The following SLC14A2 variants were observed in gnomAD, a reference collection of about 807,000 sequenced individuals.
SLC14A2 encodes the protein urea transporter 2.
In SLC14A2, 91 loss-of-function variants were observed where a neutral mutation model predicts 104.6. That is an observed-to-expected ratio of 0.87 (90% CI 0.73 to 1.04). SLC14A2 has a LOEUF of 1.04. SLC14A2 is among the 50% of genes least tolerant of loss of function. The pLI is 0.00. For missense variants in SLC14A2, 1,189 were observed against 1,156.0 expected, an observed-to-expected ratio of 1.03 and a Z score of -0.41; for synonymous variants, 476 against 466.4, an observed-to-expected ratio of 1.02 and a Z score of -0.27.
chr18:45,391,553 G>C (rs1179967611), intron 1 of SLC14A2, among the ~76,000 whole-genome samples: 1 of 152,262 alleles, frequency 6.6e-6, no homozygotes, highest in East Asian at 1.9e-4. Flanking sequence ...CAGTGTAAAA[G>C]TGTTCCTATT....
At chr18:45,213,427 G>T (rs2083979080) in intron 1 of SLC14A2, among the ~76,000 whole-genome samples, 1 of 152,172 alleles carries the variant, frequency 6.6e-6, no homozygotes. Context: ...TATGAAGGAA[G>T]CCAAGCTGGT....
chr18:45,661,859 GTA>G (rs1567998944), intron 10 of SLC14A2, among the ~76,000 whole-genome samples: 1 of 152,180 alleles, frequency 6.6e-6, no homozygotes, highest in Non-Finnish European at 1.5e-5. Context: ...GACACTCCAG[GTA>G]TCTCTGAAAT....
chr18:45,666,251 C>T (rs759994730), intron 12 of SLC14A2, 32 bp downstream of exon 12: 16 of 1,452,904 alleles, frequency 1.1e-5, no homozygotes, highest in Non-Finnish European at 1.5e-5. Context: ...TCAGGGACAG[C>T]GCCCTACAGT....
chr18:45,626,866 A>C, intron 3 of SLC14A2, 92 bp from the exon 4 acceptor site: 1 of 948,402 alleles, frequency 1.1e-6, no homozygotes, highest in Non-Finnish European at 1.6e-6. Context: ...TGGCTTGCAC[A>C]TTCCTGTTTG....
intron 1 of SLC14A2, among the ~76,000 whole-genome samples, chr18:45,465,592 G>A (rs1057245783): frequency 6.6e-6 from 1 of 151,180 alleles, no homozygotes; most frequent in Non-Finnish European, 1.5e-5. Context: ...ATCCATGCAT[G>A]CATCCATCCA....
intron 1 of SLC14A2, among the ~76,000 whole-genome samples, chr18:45,324,969 C>T (rs1309120886): frequency 6.6e-6 from 1 of 152,156 alleles, no homozygotes; most frequent in African/African-American, 2.4e-5. Flanking sequence ...CTCCCTGATG[C>T]ATTACCAGAC....
At chr18:45,381,055 C>T (rs2085829416) in intron 1 of SLC14A2, among the ~76,000 whole-genome samples, 1 of 152,190 alleles carries the variant, frequency 6.6e-6, no homozygotes, top group African/African-American at 2.4e-5. Context: ...GGCTGTCACC[C>T]CTTAGAACAG....
intron 1 of SLC14A2, among the ~76,000 whole-genome samples, chr18:45,320,543 G>A (rs564991370): frequency 2.0e-5 from 3 of 152,198 alleles, no homozygotes; most frequent in South Asian, 2.1e-4. Flanking sequence ...CGCAGACTGG[G>A]GCTGACACCT....
chr18:45,481,345 A>C (rs1257288935), intron 1 of SLC14A2, among the ~76,000 whole-genome samples: 2 of 152,140 alleles, frequency 1.3e-5, no homozygotes, highest in Non-Finnish European at 2.9e-5. Flanking sequence ...TGCCATCTAC[A>C]CTGGGCATGG....
At position 45,391,035 on chromosome 18, in the gene SLC14A2, C is replaced by T. The variant is rs563358583; in HGVS notation, c.-124-92198C>T. Among the ~76,000 whole-genome samples, 355 of 152,112 alleles carry T rather than the reference C, an allele frequency of 2.3e-3. 5 individuals carry two copies. The highest frequency in any genetic ancestry group is 8.1e-3 in the African/African-American group (335 of 41,482). On this transcript the variant is annotated intron_variant, in intron 1 of 20. Coordinates refer to the SLC14A2 transcript ENST00000586448. ...TGTTGGTGTGCTGCATCCATTAACT[C>T]GTCATTTAACATTAGGTATATCTCC...
Position 45,464,073 on chromosome 18 carries a change from G to T in SLC14A2, c.-124-19160G>T, listed in dbSNP as rs1365059326. Among the ~76,000 whole-genome samples, 2 of 152,226 alleles carry T rather than the reference G, an allele frequency of 1.3e-5. 1 individual carries two copies. Among genetic ancestry groups the T allele is most frequent in the East Asian group, 3.8e-4 (2 of 5,202 alleles). Reference sequence around the variant, plus strand: ...GCCTAACAACCAAATGGTCTGGGCAGAATCATTTGTCTTCCTGGAAGCTCA... The same window carrying T: ...GCCTAACAACCAAATGGTCTGGGCATAATCATTTGTCTTCCTGGAAGCTCA... On this transcript the variant is annotated intron_variant, in intron 1 of 20. Transcript: ENST00000586448.
chr18:45,447,790 TAATG>T (rs1287043992), intron 1 of SLC14A2, among the ~76,000 whole-genome samples: 1 of 152,234 alleles, frequency 6.6e-6, no homozygotes, highest in Non-Finnish European at 1.5e-5. Context: ...TTATACCAGA[TAATG>T]AATAATCACT....
intron 2 of SLC14A2, among the ~76,000 whole-genome samples, chr18:45,517,497 G>A (rs2144801369): frequency 6.6e-6 from 1 of 152,288 alleles, no homozygotes; most frequent in African/African-American, 2.4e-5. Context: ...GTGGCCAAAA[G>A]GCTTCTCAGC....
chr18:45,398,088 G>A (rs1364278900), intron 1 of SLC14A2, among the ~76,000 whole-genome samples: 2 of 152,066 alleles, frequency 1.3e-5, no homozygotes, highest in Non-Finnish European at 2.9e-5. Context: ...AAAAAAAGTC[G>A]ATATTTATGT....
chr18:45,588,255 G>A (rs2044596504), intron 2 of SLC14A2, among the ~76,000 whole-genome samples: 1 of 152,158 alleles, frequency 6.6e-6, no homozygotes, highest in Admixed American at 6.5e-5. Context: ...GATGTCCTGG[G>A]CCGAGGCTGG....
the SLC14A2 span, among the ~76,000 whole-genome samples, chr18:45,203,514 C>T: frequency 6.6e-6 from 1 of 152,060 alleles, no homozygotes. Flanking sequence ...TCCCACCTAC[C>T]GAAATAAAAA....
chr18:45,279,629 CAG>C (rs2084740930), intron 1 of SLC14A2, among the ~76,000 whole-genome samples: 1 of 152,010 alleles, frequency 6.6e-6, no homozygotes, highest in Non-Finnish European at 1.5e-5. Flanking sequence ...ATCTTTTTGC[CAG>C]GAGAGTCAGT....
At chr18:45,515,178 T>G (rs1035321541) in intron 2 of SLC14A2, among the ~76,000 whole-genome samples, 1 of 152,226 alleles carries the variant, frequency 6.6e-6, no homozygotes, top group Non-Finnish European at 1.5e-5. Flanking sequence ...TTTGTTCAAA[T>G]GAATGATTAA....
At chr18:45,527,830 G>T (rs1442232926) in intron 2 of SLC14A2, 1 of 152,156 alleles carries the variant, frequency 6.6e-6, no homozygotes, top group Non-Finnish European at 1.5e-5. Context: ...CATAACTCTT[G>T]TCTACTATGC....
Sources: gnomAD v4.1 joint callset for allele counts (sites outside exome capture counted in the v4.1 genomes callset) on GRCh38, gnomAD v4.1.1 for gene constraint, MANE v1.5 for transcripts, NCBI Gene and HGNC (gene_info 2026-07-23, HGNC 2026-07-21) for gene names.